The following GGNBP2 variants were observed in gnomAD, a reference collection of about 807,000 sequenced individuals.
GGNBP2 encodes gametogenetin binding protein 2.
GGNBP2 carries 10 observed loss-of-function variants against 85.9 expected under a neutral mutation model. The ratio of observed to expected loss-of-function variants is 0.12; its 90% CI spans 0.07 to 0.20. GGNBP2 has a LOEUF of 0.20. GGNBP2 is among the 10% of genes least tolerant of loss of function. The probability of loss-of-function intolerance (pLI) is 1.00; values close to 1 mark genes in which losing one functional copy is unlikely to be tolerated. For missense variants in GGNBP2, 595 were observed against 857.8 expected, an observed-to-expected ratio of 0.69 and a Z score of 3.83; for synonymous variants, 287 against 285.7, an observed-to-expected ratio of 1.00 and a Z score of -0.05.
intron 2 of GGNBP2, among the ~76,000 whole-genome samples, chr17:36,551,836 A>G (rs2074311725): frequency 6.6e-6 from 1 of 152,138 alleles, no homozygotes. Context: ...TCTCAAAAAA[A>G]AAATTTTACA....
At chr17:36,568,202 G>T (rs1045887814) in intron 6 of GGNBP2, among the ~76,000 whole-genome samples, 1 of 152,158 alleles carries the variant, frequency 6.6e-6, no homozygotes, top group African/African-American at 2.4e-5. Context: ...AGGATTACAG[G>T]CATGAGCCAC....
At chr17:36,573,401 T>G (rs2074546188) in intron 6 of GGNBP2, among the ~76,000 whole-genome samples, 1 of 152,130 alleles carries the variant, frequency 6.6e-6, no homozygotes, top group African/African-American at 2.4e-5. Context: ...CACCTGGCTA[T>G]TCACATTTCT....
intron 2 of GGNBP2, among the ~76,000 whole-genome samples, chr17:36,550,712 A>T (rs1001025766): frequency 6.6e-6 from 1 of 152,252 alleles, no homozygotes; most frequent in Non-Finnish European, 1.5e-5. Flanking sequence ...ATTGCAGCAC[A>T]ATGACTTGTT....
Position 36,585,400 on chromosome 17 carries a change from G to A in GGNBP2, c.1316G>A (p.Cys439Tyr). The change falls in exon 10 of 14, where the codon TGT becomes TAT. Residue 439 changes from cysteine to tyrosine, a missense_variant. Coordinates refer to ENST00000613102, the MANE Select transcript of GGNBP2 (RefSeq NM_024835.5). ...ATTGTTACCAATGAAAATACATCAT[G>A]TACCTGTCCTAGCAGTGGCAATCTT... ...EVIVTNENTS[C>Y]TCPSSGNLLG... is the part of the protein sequence containing the mutation. The A allele has an allele frequency of 6.2e-7, 1 of 1,612,068 alleles. No homozygotes were observed. The highest frequency in any genetic ancestry group is 8.5e-7 in the Non-Finnish European group (1 of 1,178,460).
At chr17:36,562,352 A>G (rs1027886061) in intron 5 of GGNBP2, among the ~76,000 whole-genome samples, 6 of 152,032 alleles carry the variant, frequency 3.9e-5, no homozygotes, top group Non-Finnish European at 8.8e-5. Flanking sequence ...GATTTTTAAT[A>G]GAGACGGGGT....
chr17:36,550,319 TTTG>T (rs1187719147), intron 2 of GGNBP2, among the ~76,000 whole-genome samples: 1 of 152,168 alleles, frequency 6.6e-6, no homozygotes, highest in Non-Finnish European at 1.5e-5. Context: ...AGTTTGGGGT[TTTG>T]TTTTTTTTTT....
intron 5 of GGNBP2, 44 bp from the exon 6 acceptor site, chr17:36,567,619 C>T (rs757928383): frequency 1.2e-5 from 12 of 998,244 alleles, no homozygotes; most frequent in Non-Finnish European, 1.9e-5. Flanking sequence ...AAGGTTTTAC[C>T]CTTCTGTATT....
At chr17:36,554,983 A>G (rs927407368) in intron 3 of GGNBP2, 83 bp downstream of exon 3, 3 of 840,394 alleles carry the variant, frequency 3.6e-6, no homozygotes, top group Non-Finnish European at 6.0e-6. Flanking sequence ...TTAATTTTAT[A>G]TAGGATTCTC....
At chr17:36,583,514 A>G (rs2074671840) in intron 9 of GGNBP2, among the ~76,000 whole-genome samples, 1 of 152,134 alleles carries the variant, frequency 6.6e-6, no homozygotes, top group Non-Finnish European at 1.5e-5. Flanking sequence ...GCTGGATTGC[A>G]GTGGCACAAT....
At position 36,578,527 on chromosome 17, in the gene GGNBP2, C is replaced by A. The variant is rs1196520188; in HGVS notation, c.845+341C>A. 9 of 224,234 alleles carry A rather than the reference C, an allele frequency of 4.0e-5. No individual in the cohort carries two copies. The Admixed American group carries it at 4.6e-4, about 11-fold the overall frequency. 13.9% of individuals were successfully genotyped at this position (224,234 alleles called of 1,614,324 possible). ...TGCATTATCATGTGTAAATTTTATT[C>A]ACAATAATGGTTTTTGCATAAGTCA... On this transcript the variant is annotated intron_variant, in intron 7 of 13. Coordinates refer to ENST00000613102, the MANE Select transcript of GGNBP2 (RefSeq NM_024835.5).
intron 6 of GGNBP2, among the ~76,000 whole-genome samples, chr17:36,570,046 G>A (rs1207825598): frequency 1.3e-5 from 2 of 152,166 alleles, no homozygotes; most frequent in African/African-American, 2.4e-5. Context: ...AACTGTACAA[G>A]TTAGTTGACT....
chr17:36,555,894 G>C (rs2074356848), intron 3 of GGNBP2, among the ~76,000 whole-genome samples: 1 of 152,138 alleles, frequency 6.6e-6, no homozygotes, highest in Non-Finnish European at 1.5e-5. Flanking sequence ...TTCGATCCTT[G>C]GTTGGTTAAA....
intron 2 of GGNBP2, among the ~76,000 whole-genome samples, chr17:36,553,821 G>A (rs955469963): frequency 6.6e-6 from 1 of 152,054 alleles, no homozygotes; most frequent in Non-Finnish European, 1.5e-5. Flanking sequence ...AGTAAAAATG[G>A]CTTGTAGTGA....
intron 2 of GGNBP2, among the ~76,000 whole-genome samples, chr17:36,552,573 ATTAC>A (rs550981600): frequency 3.0e-4 from 46 of 152,324 alleles, no homozygotes; most frequent in African/African-American, 1.1e-3. Flanking sequence ...TGTCTTTATT[ATTAC>A]TTATTGCTAC....
intron 6 of GGNBP2, chr17:36,577,044 G>T (rs949318721): frequency 1.3e-5 from 2 of 152,268 alleles, no homozygotes; most frequent in Non-Finnish European, 2.9e-5. Context: ...AGACATGTTA[G>T]TTGAAGCCAT....
intron 9 of GGNBP2, 25 bp downstream of exon 9, chr17:36,581,563 T>TA (rs1277248230): frequency 6.5e-7 from 1 of 1,534,336 alleles, no homozygotes; most frequent in Non-Finnish European, 9.0e-7. Context: ...TATCAACTCT[T>TA]AAGTGTGTAT....
At chr17:36,555,797 T>C (rs572090729) in intron 3 of GGNBP2, among the ~76,000 whole-genome samples, 48 of 152,362 alleles carry the variant, frequency 3.2e-4, no homozygotes, top group African/African-American at 1.1e-3. Context: ...ATGTAAATGC[T>C]GTGTAAATAG....
chr17:36,560,980 A>T (rs1226443521), intron 5 of GGNBP2, 109 bp downstream of exon 5: 6 of 619,656 alleles, frequency 9.7e-6, no homozygotes, highest in Admixed American at 3.4e-5. Context: ...TTAATTGGTT[A>T]TACTCTATGA....
At chr17:36,587,820 G>A (rs946364435) in intron 13 of GGNBP2, among the ~76,000 whole-genome samples, 14 of 152,226 alleles carry the variant, frequency 9.2e-5, no homozygotes, top group African/African-American at 3.1e-4. Flanking sequence ...CCAGGAGGCG[G>A]AGGTTTCAGT....
Sources: gnomAD v4.1 joint callset for allele counts (sites outside exome capture counted in the v4.1 genomes callset) on GRCh38, gnomAD v4.1.1 for gene constraint, MANE v1.5 for transcripts, NCBI Gene and HGNC (gene_info 2026-07-23, HGNC 2026-07-21) for gene names.